Variants in KCNG1 observed in about 807,000 individuals in gnomAD.
The protein encoded by KCNG1 is voltage-gated potassium channel regulatory subunit KCNG1.
Under a neutral mutation model 32.4 loss-of-function variants are expected in KCNG1, and 17 were observed. The ratio of observed to expected loss-of-function variants is 0.52; its 90% CI spans 0.36 to 0.79. The LOEUF is 0.79. Among genes scored for constraint, KCNG1 ranks in the 30% least tolerant of loss-of-function variants. KCNG1 has a pLI of 0.00. For synonymous variants in KCNG1, 358 were observed against 339.9 expected (o/e 1.05, Z -0.59); for missense variants, 441 against 735.2 (o/e 0.60, Z 4.63).
Position 51,004,789 on chromosome 20 carries a change from C to T in KCNG1, c.792G>A (p.Met264Ile). 5 of 1,569,522 alleles carry T rather than the reference C, an allele frequency of 3.2e-6. No homozygotes were observed. The highest frequency in any genetic ancestry group is 4.3e-6 in the Non-Finnish European group (5 of 1,153,698). ...ACTCCACGATGAAGACGTTGTGGCA[C>T]ATCTGGGAACAGTGGCCCTGGGAGA... ...EEEEQGHCSQMCHNVFIVESV... is the reference protein window; with the variant it reads ...EEEEQGHCSQICHNVFIVESV... The change falls in exon 3 of 3, where the codon ATG becomes ATA. Residue 264 changes from methionine to isoleucine, a missense_variant. By Grantham distance (10) the Met-to-Ile change is conservative. Around this residue, in one of 6 missense-constraint regions of KCNG1, gnomAD observed 169 missense variants for 297.7 expected, o/e 0.57. Transcript: ENST00000371571. This position sits in a 1 kb window ranked among gnomAD's most constrained non-coding sequence, Gnocchi z 4.3.
rs1276175960 is a variant in KCNG1 at position 51,005,048 on chromosome 20, C to T, written c.775-242G>A. On this transcript the variant is annotated intron_variant, in intron 2 of 2. Coordinates refer to ENST00000371571, the MANE Select transcript of KCNG1 (RefSeq NM_002237.4). This position sits in a 1 kb window ranked among gnomAD's most constrained non-coding sequence, Gnocchi z 4.0. ...CACCTCAGCCCTGAACTCCAGACCC[C>T]CAACAGGCTGCCTCCCTGACGCTCC... 1.5e-5 allele frequency: 6 copies of T among 408,974 alleles called. No homozygotes were observed. Among genetic ancestry groups the T allele is most frequent in the Admixed American group, 4.3e-5 (1 of 23,054 alleles). The allele number at this position is 408,974 out of a possible 1,614,324, so 25.3% of individuals were successfully genotyped here. A position where few individuals can be genotyped will look rare whatever the true frequency, so the allele number is the denominator to read the frequency against.
At chr20:51,012,896 C>T (rs114921728) in intron 1 of KCNG1, among the ~76,000 whole-genome samples, 4,019 of 152,294 alleles carry the variant, frequency 0.026, 174 homozygotes, top group African/African-American at 0.092. Context: ...GTGTTTCCTT[C>T]CCGGCCCTAT....
chr20:51,012,829 C>G (rs1011959741), intron 1 of KCNG1, among the ~76,000 whole-genome samples: 15 of 152,210 alleles, frequency 9.9e-5, no homozygotes. Flanking sequence ...CTCCAATCCA[C>G]CACAGTCCCC....
intron 1 of KCNG1, among the ~76,000 whole-genome samples, chr20:51,017,285 A>C (rs1384760401): frequency 1.3e-5 from 2 of 152,240 alleles, no homozygotes; most frequent in African/African-American, 4.8e-5. Context: ...AGGTCTTAAA[A>C]ACAGTGTGCC....
chr20:51,014,980 G>A lies in KCNG1; in HGVS notation c.-26-4616C>T, dbSNP rs1263759167. Among the ~76,000 whole-genome samples, 3 of 152,182 alleles carry A rather than the reference G, an allele frequency of 2.0e-5. No homozygotes were observed. The South Asian group carries it at 6.2e-4, about 32-fold the overall frequency. ...CAGAGCACAGAGCGAGGGGAAGCTG[G>A]GAGAAGAGGAGAGGGGCAGGGGCCA... On this transcript the variant is annotated intron_variant, in intron 1 of 2. Coordinates refer to ENST00000371571, the MANE Select transcript of KCNG1 (RefSeq NM_002237.4).
chr20:51,016,951 T>A (rs181992304), intron 1 of KCNG1, among the ~76,000 whole-genome samples: 22 of 152,326 alleles, frequency 1.4e-4, no homozygotes, highest in Admixed American at 4.6e-4. Flanking sequence ...ATGAAGATGC[T>A]GCTGCCCTGT....
Position 51,009,771 on chromosome 20 carries a change from C to G in KCNG1, c.568G>C (p.Asp190His). Residue 190 changes from aspartate (D) to histidine (H), a missense_variant, in exon 2 of 3, where the codon GAC (aspartate) becomes CAC (histidine). By Grantham distance (81) the Asp-to-His change is moderately conservative. Coordinates refer to ENST00000371571, the MANE Select transcript of KCNG1 (RefSeq NM_002237.4). ...VEREEEDDAL[D>H]SEGRDSEGPA... is the part of the protein sequence containing the mutation. Reference sequence around the variant, plus strand: ...CCCTCGCTGTCGCGGCCCTCGCTGTCCAGCGCGTCGTCCTCTTCCTCCCGC... The same window carrying G: ...CCCTCGCTGTCGCGGCCCTCGCTGTGCAGCGCGTCGTCCTCTTCCTCCCGC... 1 of 1,610,962 alleles carries G rather than the reference C, an allele frequency of 6.2e-7. No individual in the cohort carries two copies.
intron 1 of KCNG1, among the ~76,000 whole-genome samples, chr20:51,013,214 A>T (rs1285621965): frequency 1.3e-5 from 2 of 152,146 alleles, no homozygotes; most frequent in Non-Finnish European, 2.9e-5. Context: ...AGGCAGGAGA[A>T]TCCCTTGAAC....
Position 51,009,823 on chromosome 20 carries a change from C to A in KCNG1, c.516G>T (p.Lys172Asn). Residue 172 changes from lysine to asparagine, a missense_variant, in exon 2 of 3, where the codon AAG becomes AAT. Lys to Asn is a moderately conservative substitution (Grantham distance 94, BLOSUM62 0). Coordinates refer to ENST00000371571, the MANE Select transcript of KCNG1 (RefSeq NM_002237.4). ...CCACCATCTCCGCGAACTCCTCAATCTTCTGCAGGTAGCGGCGCTTGCAGC... is the reference window on the plus strand; with the variant it reads ...CCACCATCTCCGCGAACTCCTCAATATTCTGCAGGTAGCGGCGCTTGCAGC... Reference protein sequence around the residue: ...DGCCKRRYLQKIEEFAEMVER... With the variant: ...DGCCKRRYLQNIEEFAEMVER... 1 of 1,613,334 alleles carries A rather than the reference C, an allele frequency of 6.2e-7. No individual in the cohort carries two copies. Among genetic ancestry groups the A allele is most frequent in the Non-Finnish European group, 8.5e-7 (1 of 1,179,940 alleles).
Position 51,010,240 on chromosome 20 carries a change from C to T in KCNG1, c.99G>A (p.Gln33=). The T allele has an allele frequency of 3.9e-6, 6 of 1,548,422 alleles. No homozygotes were observed. The highest frequency in any genetic ancestry group is 5.2e-6 in the Non-Finnish European group (6 of 1,154,378). The part of the protein sequence containing the change: ...SFHPAFLPQR[Q]AIKGAFYRRA... ...GGCGGTAGAACGCGCCCTTGATGGC[C>T]TGGCGCTGCGGGAGGAAGGCCGGGT... The change falls in exon 2 of 3, where the codon CAG becomes CAA. Residue 33 remains glutamine (Q), a synonymous_variant. Coordinates refer to ENST00000371571, the MANE Select transcript of KCNG1 (RefSeq NM_002237.4).
chr20:51,019,349 A>G (rs1988388072), intron 1 of KCNG1, among the ~76,000 whole-genome samples: 1 of 152,144 alleles, frequency 6.6e-6, no homozygotes, highest in Non-Finnish European at 1.5e-5. Context: ...CTGTTTCTAC[A>G]ATTAAAAAAT....
intron 1 of KCNG1, among the ~76,000 whole-genome samples, chr20:51,017,196 G>C (rs142191442): frequency 4.6e-5 from 7 of 152,190 alleles, no homozygotes; most frequent in African/African-American, 1.7e-4. Context: ...GCAAGTCTTC[G>C]TAGAGGCAGA....
At chr20:51,010,901 T>C (rs368639807) in intron 1 of KCNG1, among the ~76,000 whole-genome samples, 177 of 113,130 alleles carry the variant, frequency 1.6e-3, no homozygotes, top group African/African-American at 5.7e-3. Flanking sequence ...TCTCAAAAAA[T>C]AAAAACAAAA....
intron 1 of KCNG1, among the ~76,000 whole-genome samples, chr20:51,022,479 G>A (rs934415058): frequency 6.6e-6 from 1 of 152,154 alleles, no homozygotes; most frequent in African/African-American, 2.4e-5. Flanking sequence ...TACAGTGAAT[G>A]AGCAAGTGAC....
Position 51,009,610 on chromosome 20 carries a change from G to A in KCNG1, c.729C>T (p.Asn243=), listed in dbSNP as rs762715975. The A allele has an allele frequency of 3.1e-6, 5 of 1,610,188 alleles. No homozygotes were observed. The highest frequency in any genetic ancestry group is 1.3e-5 in the African/African-American group (1 of 74,928). ...SVLFVTVTAV[N]LSVSTLPSLR... ...GGCTGGGCAAGGTGCTGACGGAGAG[G>A]TTGACGGCGGTGACGGTCACGAAGA... is the stretch of plus-strand genomic sequence containing the variant. The change falls in exon 2 of 3, where the codon AAC becomes AAT. Residue 243 remains asparagine, a synonymous_variant. Transcript: ENST00000371571.
chr20:51,019,242 G>T (rs2123277916), intron 1 of KCNG1, among the ~76,000 whole-genome samples: 1 of 152,274 alleles, frequency 6.6e-6, no homozygotes, highest in South Asian at 2.1e-4. Flanking sequence ...CTGGGCGCAG[G>T]GGCTTACGCC....
At chr20:51,009,464 C>T in intron 2 of KCNG1, 101 bp downstream of exon 2, 1 of 1,313,010 alleles carries the variant, frequency 7.6e-7, no homozygotes, top group Non-Finnish European at 1.0e-6. Context: ...GGATGCTATT[C>T]AGCCAGTGTG....
rs778419121 is a variant in KCNG1 at position 51,010,192 on chromosome 20, C to T, written c.147G>A (p.Gln49=). 1.3e-6 allele frequency: 2 copies of T among 1,597,068 alleles called. No individual in the cohort carries two copies. Among genetic ancestry groups the T allele is most frequent in the African/African-American group, 2.7e-5 (2 of 74,562 alleles). The change falls in exon 2 of 3, where the codon CAG becomes CAA. Residue 49 remains glutamine (Q), a synonymous_variant. Transcript: ENST00000371571. Reference sequence around the variant, plus strand: ...GCTGACAGCCCTGGCGGGGCTCATCCTGCGGCCGCAGCCGCTGCGCCCGGC... The same window carrying T: ...GCTGACAGCCCTGGCGGGGCTCATCTTGCGGCCGCAGCCGCTGCGCCCGGC... ...FYRRAQRLRP[Q]DEPRQGCQPE...
Position 51,004,058 on chromosome 20 carries a change from T to A in KCNG1, c.1523A>T (p.Asp508Val). The A allele has an allele frequency of 6.2e-7, 1 of 1,614,122 alleles. No homozygotes were observed. The highest frequency in any genetic ancestry group is 8.5e-7 in the Non-Finnish European group (1 of 1,179,982). ...CCGCGCTCAGTTATTGTCTCTGGTG[T>A]CCGAGGAGGCACTTCCGAACAAGAT... ...SDILFGSASS[D>V]TRDNN The change falls in exon 3 of 3, where the codon GAC becomes GTC. Residue 508 changes from aspartate to valine, a missense_variant. Physicochemically the swap from Asp to Val is radical, Grantham distance 152 (BLOSUM62 -3). Coordinates refer to ENST00000371571, the MANE Select transcript of KCNG1 (RefSeq NM_002237.4). The surrounding 1 kb of genome is among the most constrained non-coding windows in gnomAD (Gnocchi z 4.3).
Sources: gnomAD v4.1 joint callset for allele counts (sites outside exome capture counted in the v4.1 genomes callset) on GRCh38, gnomAD v4.1.1 for gene constraint, gnomAD v4.1.1 regional missense constraint, Gnocchi (gnomAD v3.1) non-coding constraint, MANE v1.5 for transcripts, NCBI Gene and HGNC (gene_info 2026-07-23, HGNC 2026-07-21) for gene names.